SECISBP2: variants seen among roughly 807,000 people sequenced by gnomAD.
The protein encoded by SECISBP2 is SECIS binding protein 2.
A neutral mutation model predicts 98.2 loss-of-function variants in SECISBP2; 96 were observed. That is an observed-to-expected ratio of 0.98 (90% CI 0.83 to 1.16). The LOEUF (loss-of-function observed/expected upper bound fraction) is 1.16. Among genes scored for constraint, SECISBP2 ranks in the 50% most tolerant of loss-of-function variants. The pLI, the probability that SECISBP2 is intolerant of heterozygous loss-of-function variation, is 0.00. For synonymous variants in SECISBP2, 407 were observed against 370.2 expected (o/e 1.10, Z -1.14); for missense variants, 1,046 against 1,022.9 (o/e 1.02, Z -0.31).
chr9:89,321,029 T>G (rs190525897), intron 2 of SECISBP2, among the ~76,000 whole-genome samples: 33 of 152,364 alleles, frequency 2.2e-4, no homozygotes, highest in African/African-American at 7.7e-4. Flanking sequence ...CTTTTGTGTT[T>G]AGGAAATACT....
At chr9:89,347,490 G>A (rs951947805) in intron 11 of SECISBP2, among the ~76,000 whole-genome samples, 1 of 25,394 alleles carries the variant, frequency 3.9e-5, no homozygotes, top group African/African-American at 1.5e-4. Context: ...TTTTTTTTTT[G>A]AGACGGAGTT....
intron 1 of SECISBP2, among the ~76,000 whole-genome samples, 182 bp from the exon 2 acceptor site, chr9:89,319,470 A>C (rs1306652397): frequency 7.2e-6 from 1 of 139,334 alleles, no homozygotes; most frequent in East Asian, 2.8e-4. Flanking sequence ...CCTTTTCTAC[A>C]AAAAAAAAAG....
In SECISBP2 at chr9:89,357,458, C is replaced by T. The variant is rs770702684; in HGVS notation, c.2161C>T (p.Gln721Ter). 6.2e-7 allele frequency: 1 copy of T among 1,614,180 alleles called. No homozygotes were observed. Among genetic ancestry groups the T allele is most frequent in the South Asian group, 1.1e-5 (1 of 91,092 alleles). ...LHTIIDYACE[Q>*]NIPFVFALNR... ...CACAATTATTGATTATGCCTGTGAG[C>T]AGAACATTCCCTTTGTGTTTGCTCT... Residue 721 changes from glutamine to a stop codon, truncating the protein, a stop_gained, in exon 15 of 17, where the codon CAG (glutamine) becomes TAG (stop). Transcript: ENST00000375807. LOFTEE classifies it high-confidence loss of function.
chr9:89,356,609 C>G (rs1461446954), intron 14 of SECISBP2: 2 of 152,238 alleles, frequency 1.3e-5, no homozygotes, highest in African/African-American at 4.8e-5. Flanking sequence ...CAGGCACATA[C>G]CACCACACTG....
At chr9:89,347,883 T>G (rs887730537) in intron 11 of SECISBP2, among the ~76,000 whole-genome samples, 196 bp from the exon 12 acceptor site, 14 of 152,096 alleles carry the variant, frequency 9.2e-5, no homozygotes, top group Non-Finnish European at 1.9e-4. Context: ...TCTGCATACC[T>G]TGGGAGGAAC....
At chr9:89,345,663 C>T (rs188969323) in intron 10 of SECISBP2, among the ~76,000 whole-genome samples, 249 of 152,300 alleles carry the variant, frequency 1.6e-3, no homozygotes, top group African/African-American at 5.8e-3. Flanking sequence ...GAAGAGTTGC[C>T]TGGCAGTGGG....
chr9:89,347,228 A>T (rs1830548835), intron 11 of SECISBP2, among the ~76,000 whole-genome samples, 180 bp downstream of exon 11: 1 of 152,240 alleles, frequency 6.6e-6, no homozygotes, highest in South Asian at 2.1e-4. Context: ...GTGACACGTC[A>T]GGGACATGTG....
At chr9:89,347,088 C>G (rs767088172) in intron 11 of SECISBP2, 40 bp downstream of exon 11, 4 of 1,596,422 alleles carry the variant, frequency 2.5e-6, no homozygotes, top group African/African-American at 2.7e-5. Context: ...CACTAGAAAA[C>G]TTAGTCTCAC....
rs150290511 is a variant in SECISBP2, at chr9:89,338,508, G to A, written c.1140G>A (p.Lys380=). ...TTGAACAAAATGAAGCCTCAAGAAA[G>A]AATAAGAAAAAGAAAGAAAAATCTA... is the stretch of plus-strand genomic sequence containing the variant. ...SDLEQNEASR[K]NKKKKEKSTS... Residue 380 remains lysine, a synonymous_variant, in exon 8 of 17, where the codon AAG becomes AAA. Coordinates refer to ENST00000375807, the MANE Select transcript of SECISBP2 (RefSeq NM_024077.5). 23 of 1,613,362 alleles carry A rather than the reference G, an allele frequency of 1.4e-5. No individual in the cohort carries two copies. In the African/African-American group the frequency reaches 2.4e-4, roughly 17 times the overall value.
At chr9:89,364,608 A>C (rs1279541700), downstream of SECISBP2, 1 of 156,518 alleles carries the variant, frequency 6.4e-6, no homozygotes, top group Non-Finnish European at 1.4e-5. Flanking sequence ...TGGGCCCGAC[A>C]TTGGCCACTT....
intron 5 of SECISBP2, chr9:89,329,278 A>ATT: frequency 3.4e-5 from 7 of 203,052 alleles, no homozygotes; most frequent in South Asian, 2.2e-4. Context: ...ACGCTGGCTA[A>ATT]TTTTTTTTTT....
chr9:89,338,662 C>T, intron 8 of SECISBP2, 82 bp downstream of exon 8: 8 of 1,429,498 alleles, frequency 5.6e-6, no homozygotes, highest in Non-Finnish European at 7.7e-6. Context: ...TATTGGTTTC[C>T]TAAGTGAAAA....
At chr9:89,362,793 A>T (rs763663709), downstream of SECISBP2, among the ~76,000 whole-genome samples, 10 of 151,928 alleles carry the variant, frequency 6.6e-5, no homozygotes, top group Non-Finnish European at 1.5e-4. Context: ...TAATGCACTC[A>T]TTTGAGTGCT....
chr9:89,347,125 T>TA, intron 11 of SECISBP2, 77 bp downstream of exon 11: 2 of 1,441,384 alleles, frequency 1.4e-6, no homozygotes, highest in African/African-American at 2.8e-5. Flanking sequence ...TCCCAGCTCT[T>TA]AGATTTTTAG....
At chr9:89,358,241 T>C (rs1832403974) in intron 16 of SECISBP2, 50 bp downstream of exon 16, 2 of 1,556,614 alleles carry the variant, frequency 1.3e-6, no homozygotes, top group East Asian at 4.6e-5. Context: ...TCTTATTTAC[T>C]GACTTTAATT....
downstream of SECISBP2, chr9:89,362,245 G>C: frequency 7.8e-7 from 1 of 1,279,190 alleles, no homozygotes; most frequent in Non-Finnish European, 1.1e-6. Flanking sequence ...TCCCGCCTCT[G>C]CCCATCAGGT....
chr9:89,334,167 C>T, intron 6 of SECISBP2: 2 of 1,171,984 alleles, frequency 1.7e-6, no homozygotes, highest in African/African-American at 1.6e-5. Context: ...TTAGTAGGGC[C>T]AAAATTTGAT....
At chr9:89,335,193 G>A (rs1210362557) in intron 7 of SECISBP2, among the ~76,000 whole-genome samples, 1 of 150,386 alleles carries the variant, frequency 6.6e-6, no homozygotes, top group African/African-American at 2.4e-5. Flanking sequence ...TCCAGCCTGG[G>A]CAACACAGTG....
intron 4 of SECISBP2, 32 bp downstream of exon 4, chr9:89,326,070 A>C (rs376955203): frequency 1.3e-4 from 210 of 1,605,476 alleles, no homozygotes; most frequent in Non-Finnish European, 1.7e-4. Flanking sequence ...GTATAATGCG[A>C]GCCTACTCCT....
Sources: allele counts gnomAD v4.1 joint callset (sites outside exome capture counted in the v4.1 genomes callset), GRCh38; gene constraint gnomAD v4.1.1; transcripts MANE v1.5; gene names NCBI Gene and HGNC (gene_info 2026-07-23, HGNC 2026-07-21).